Variants in KCNN2 observed in about 807,000 individuals in gnomAD.
KCNN2 encodes potassium calcium-activated channel subfamily N member 2.
Under a neutral mutation model 55.5 loss-of-function variants are expected in KCNN2, and 24 were observed. That is an observed-to-expected ratio of 0.43 (90% CI 0.31 to 0.61). The LOEUF is 0.61. KCNN2 is among the 20% of genes least tolerant of loss of function. The pLI, the probability that KCNN2 is intolerant of heterozygous loss-of-function variation, is 0.08. For missense variants in KCNN2, 754 were observed against 853.6 expected, an observed-to-expected ratio of 0.88 and a Z score of 1.45; for synonymous variants, 431 against 336.1, an observed-to-expected ratio of 1.28 and a Z score of -3.09.
chr5:114,195,185 G>A (rs777107147), intron 1 of KCNN2, among the ~76,000 whole-genome samples: 6 of 150,854 alleles, frequency 4.0e-5, no homozygotes, highest in African/African-American at 1.2e-4. Flanking sequence ...TTGCATTTAC[G>A]TATGAATTTT....
intron 3 of KCNN2, among the ~76,000 whole-genome samples, chr5:114,411,405 C>T (rs937891676): frequency 4.6e-5 from 7 of 151,992 alleles, no homozygotes; most frequent in African/African-American, 1.7e-4. Flanking sequence ...ATTATGGAGA[C>T]TGAGAAGTCC....
chr5:114,151,366 G>A (rs575394362), intron 1 of KCNN2, among the ~76,000 whole-genome samples: 3 of 152,200 alleles, frequency 2.0e-5, no homozygotes, highest in African/African-American at 7.2e-5. Context: ...CTTTACTCCA[G>A]TGTGTTCTCA....
At chr5:114,354,592 C>A (rs749856558) in intron 2 of KCNN2, among the ~76,000 whole-genome samples, 3 of 152,172 alleles carry the variant, frequency 2.0e-5, no homozygotes, top group Middle Eastern at 3.4e-3. Context: ...GATGTCTTAA[C>A]CTCTGAATCA....
At chr5:114,100,525 G>T (rs1335943765) in intron 1 of KCNN2, among the ~76,000 whole-genome samples, 1 of 152,072 alleles carries the variant, frequency 6.6e-6, no homozygotes, top group Non-Finnish European at 1.5e-5. Context: ...ATGAAAAGAA[G>T]AGAGGAAGTA....
intron 2 of KCNN2, among the ~76,000 whole-genome samples, chr5:114,325,369 T>C (rs1378045663): frequency 6.6e-6 from 1 of 152,190 alleles, no homozygotes; most frequent in Non-Finnish European, 1.5e-5. Context: ...CTATCCAGAT[T>C]GCAAAAGATG....
chr5:114,297,949 C>T (rs904442558), intron 2 of KCNN2, among the ~76,000 whole-genome samples: 1 of 152,064 alleles, frequency 6.6e-6, no homozygotes. Context: ...AAATGATATT[C>T]CATTCCCTGA....
intron 3 of KCNN2, among the ~76,000 whole-genome samples, chr5:114,428,943 G>A (rs1049792746): frequency 5.9e-5 from 9 of 151,928 alleles, no homozygotes; most frequent in East Asian, 1.9e-4. Flanking sequence ...TTGTCTGAAT[G>A]TACTACAGTT....
chr5:114,153,640 C>T (rs1752570906), intron 1 of KCNN2, among the ~76,000 whole-genome samples: 1 of 152,158 alleles, frequency 6.6e-6, no homozygotes, highest in South Asian at 2.1e-4. Context: ...GCTTAGCAAA[C>T]ATGAATCTTA....
intron 3 of KCNN2, among the ~76,000 whole-genome samples, chr5:114,455,847 A>G (rs1278920116): frequency 6.6e-6 from 1 of 152,242 alleles, no homozygotes. Context: ...AGCCTAATCC[A>G]TACAAGGTCC....
At chr5:114,450,172 T>C (rs762616756) in intron 3 of KCNN2, among the ~76,000 whole-genome samples, 21 of 152,242 alleles carry the variant, frequency 1.4e-4, no homozygotes, top group Non-Finnish European at 2.5e-4. Flanking sequence ...TGGGGGCTTC[T>C]AAAAATAGAG....
At chr5:114,275,260 G>A (rs569728905) in intron 2 of KCNN2, among the ~76,000 whole-genome samples, 117 of 152,068 alleles carry the variant, frequency 7.7e-4, no homozygotes, top group Non-Finnish European at 1.2e-3. Context: ...GGATTTTTAC[G>A]TCGATGTTCA....
intron 5 of KCNN2, among the ~76,000 whole-genome samples, chr5:114,479,468 T>C (rs1378354744): frequency 1.3e-5 from 2 of 152,204 alleles, no homozygotes; most frequent in African/African-American, 4.8e-5. Flanking sequence ...TAGGAGACTT[T>C]AATACCTCAC....
intron 2 of KCNN2, among the ~76,000 whole-genome samples, chr5:114,287,263 G>A (rs1580695320): frequency 1.3e-5 from 2 of 152,072 alleles, no homozygotes; most frequent in Admixed American, 1.3e-4. Context: ...AATACCCAAA[G>A]GATTGTAAAT....
intron 1 of KCNN2, among the ~76,000 whole-genome samples, chr5:114,202,944 A>T (rs1336170092): frequency 6.6e-6 from 1 of 152,124 alleles, no homozygotes; most frequent in Non-Finnish European, 1.5e-5. Context: ...TAAGAAAGAG[A>T]CATTATTTAC....
Position 114,362,850 on chromosome 5 carries a change from C to T in KCNN2, c.711C>T (p.His237=), listed in dbSNP as rs1288757441. 1.0e-5 allele frequency: 16 copies of T among 1,600,064 alleles called. No homozygotes were observed. The highest frequency in any genetic ancestry group is 1.3e-5 in the Non-Finnish European group (15 of 1,178,840). ...SNLSASRRNL[H]EMDSEAQPLQ... ...TGAGCGCGTCCCGCCGGAACCTGCA[C>T]GAGATGGACTCAGAGGCGCAGCCCC... Residue 237 remains histidine, a synonymous_variant, in exon 1 of 8, where the codon CAC becomes CAT. Transcript: ENST00000673685.
chr5:114,168,731 G>T (rs1441460416), intron 1 of KCNN2, among the ~76,000 whole-genome samples: 3 of 152,028 alleles, frequency 2.0e-5, no homozygotes, highest in Non-Finnish European at 4.4e-5. Context: ...CCTAACACTT[G>T]CTGAAATTAT....
chr5:114,099,944 A>G (rs879051472), intron 1 of KCNN2, among the ~76,000 whole-genome samples: 10 of 152,006 alleles, frequency 6.6e-5, no homozygotes, highest in African/African-American at 1.7e-4. Flanking sequence ...GTACTTTTGT[A>G]TGAACTCCAT....
At chr5:114,121,106 A>G (rs1434714053) in intron 1 of KCNN2, among the ~76,000 whole-genome samples, 3 of 152,210 alleles carry the variant, frequency 2.0e-5, no homozygotes, top group African/African-American at 4.8e-5. Flanking sequence ...CTGGGTTGGA[A>G]CATGCATGGG....
chr5:114,274,446 T>C (rs777415073), intron 2 of KCNN2, among the ~76,000 whole-genome samples: 1 of 152,214 alleles, frequency 6.6e-6, no homozygotes, highest in Non-Finnish European at 1.5e-5. Flanking sequence ...ATTTTCATGA[T>C]ATTGATTTTT....
Sources: gnomAD v4.1 joint callset for allele counts (sites outside exome capture counted in the v4.1 genomes callset) on GRCh38, gnomAD v4.1.1 for gene constraint, MANE v1.5 for transcripts, NCBI Gene and HGNC (gene_info 2026-07-23, HGNC 2026-07-21) for gene names.